Variants in SHLD1 observed in about 807,000 individuals in gnomAD.
SHLD1 encodes RINN1-REV7-interacting novel NHEJ regulator 3.
In SHLD1, 3 loss-of-function variants were observed where a neutral mutation model predicts 5.5. The observed-to-expected ratio is 0.54, with a 90% CI of 0.25 to 1.40. The LOEUF (loss-of-function observed/expected upper bound fraction) is 1.40. Ranked by LOEUF, SHLD1 falls within the 40% of genes most tolerant of loss-of-function variation. The pLI is 0.15. For missense variants in SHLD1, 210 were observed against 244.4 expected (o/e 0.86, Z 0.94); for synonymous variants, 92 against 94.3 (o/e 0.98, Z 0.14).
At chr20:5,795,137 G>A (rs1312175261) in intron 2 of SHLD1, among the ~76,000 whole-genome samples, 1 of 151,988 alleles carries the variant, frequency 6.6e-6, no homozygotes, top group Non-Finnish European at 1.5e-5. Flanking sequence ...TACTCGGGGG[G>A]CTGAGGCACA....
intron 2 of SHLD1, among the ~76,000 whole-genome samples, chr20:5,780,637 G>T (rs1229055430): frequency 2.0e-5 from 3 of 152,182 alleles, no homozygotes; most frequent in Non-Finnish European, 2.9e-5. Flanking sequence ...GGCTTAACTT[G>T]TGTAAAGGAT....
intron 2 of SHLD1, among the ~76,000 whole-genome samples, chr20:5,822,531 C>T (rs1388431206): frequency 1.3e-5 from 2 of 151,990 alleles, no homozygotes; most frequent in Non-Finnish European, 2.9e-5. Context: ...TTGTTGTGTG[C>T]ATGTGTGTGA....
At chr20:5,859,469 G>A (rs1319481899) in intron 2 of SHLD1, among the ~76,000 whole-genome samples, 1 of 152,136 alleles carries the variant, frequency 6.6e-6, no homozygotes, top group Non-Finnish European at 1.5e-5. Flanking sequence ...AGCTCTACAA[G>A]GTTGGAATAT....
At chr20:5,844,057 T>C (rs2087897855) in intron 2 of SHLD1, among the ~76,000 whole-genome samples, 1 of 152,220 alleles carries the variant, frequency 6.6e-6, no homozygotes, top group African/African-American at 2.4e-5. Flanking sequence ...TGTTCTCCAA[T>C]GTTATGTGCT....
At chr20:5,779,565 G>A (rs1016810166) in intron 2 of SHLD1, among the ~76,000 whole-genome samples, 36 of 152,098 alleles carry the variant, frequency 2.4e-4, no homozygotes, top group African/African-American at 4.8e-5. Context: ...TCTCTACTGG[G>A]CCACCATTCT....
intron 2 of SHLD1, among the ~76,000 whole-genome samples, chr20:5,779,252 G>C (rs947125757): frequency 6.6e-6 from 1 of 151,656 alleles, no homozygotes; most frequent in Non-Finnish European, 1.5e-5. Flanking sequence ...TAATCTTGCT[G>C]TTACCAAGCA....
intron 2 of SHLD1, among the ~76,000 whole-genome samples, chr20:5,779,708 C>G (rs200489886): frequency 6.6e-6 from 1 of 152,140 alleles, no homozygotes; most frequent in East Asian, 1.9e-4. Context: ...GTTGGAGGGT[C>G]ATTCAGGGTG....
chr20:5,778,108 CT>C lies in SHLD1; in HGVS notation c.178+5070del, dbSNP rs1307385684. 6.3e-5 allele frequency among the ~76,000 whole-genome samples: 8 copies of C among 127,864 alleles called. No individual in the cohort carries two copies. The East Asian group carries it at 1.8e-3, about 29-fold the overall frequency. 83.9% of individuals were successfully genotyped at this position (127,864 alleles called of 152,430 possible). On this transcript the variant is annotated intron_variant, in intron 2 of 2. Transcript: ENST00000303142. ...TTATGAGGCTGAGGCAGGAGGATCCCTTTTTCTTTTTTTTTTTTTTTTTTTT... is the reference window on the plus strand; with the variant it reads ...TTATGAGGCTGAGGCAGGAGGATCCCTTTTCTTTTTTTTTTTTTTTTTTTT...
intron 2 of SHLD1, among the ~76,000 whole-genome samples, chr20:5,823,111 G>A (rs1476182169): frequency 6.6e-6 from 1 of 150,590 alleles, no homozygotes; most frequent in Non-Finnish European, 1.5e-5. Flanking sequence ...TGACCAAGCA[G>A]CAGCGTTTTA....
chr20:5,812,720 A>G (rs2087476064), intron 2 of SHLD1, among the ~76,000 whole-genome samples: 1 of 152,138 alleles, frequency 6.6e-6, no homozygotes, highest in Non-Finnish European at 1.5e-5. Flanking sequence ...CCTGATGGCT[A>G]GCTTCTTTAC....
rs562609827 is a variant in SHLD1, at chr20:5,857,218, C to T, written c.179-5806C>T. Among the ~76,000 whole-genome samples, 13 of 152,282 alleles carry T rather than the reference C, an allele frequency of 8.5e-5. No homozygotes were observed. The South Asian group carries it at 1.9e-3, about 22-fold the overall frequency. The stretch of plus-strand genomic sequence containing the variant: ...CTCTAACTCCTGAGCTCAGGTGATC[C>T]ACCCGCCTTGGCCTCCCAAGGTGCT... On this transcript the variant is annotated intron_variant, in intron 2 of 2. Transcript: ENST00000303142.
At chr20:5,849,965 CAA>C (rs752647466) in intron 2 of SHLD1, among the ~76,000 whole-genome samples, 38 of 50,230 alleles carry the variant, frequency 7.6e-4, no homozygotes, top group Non-Finnish European at 8.8e-4. Context: ...GACTCCGTCT[CAA>C]AAAAAAAAAA....
chr20:5,797,824 G>C (rs1002463240), intron 2 of SHLD1, among the ~76,000 whole-genome samples: 39 of 152,084 alleles, frequency 2.6e-4, no homozygotes, highest in Non-Finnish European at 7.4e-5. Flanking sequence ...AGTGTCCCAG[G>C]CCTCTTTGTT....
intron 1 of SHLD1, among the ~76,000 whole-genome samples, chr20:5,766,003 A>T (rs751964283): frequency 2.0e-5 from 3 of 151,972 alleles, no homozygotes; most frequent in Non-Finnish European, 4.4e-5. Flanking sequence ...AAATATAGGT[A>T]TCATTTCAAT....
intron 2 of SHLD1, among the ~76,000 whole-genome samples, chr20:5,818,861 C>CTGTTT (rs368228128): frequency 1.3e-5 from 2 of 152,030 alleles, no homozygotes; most frequent in East Asian, 1.9e-4. Context: ...GTGTCCACTT[C>CTGTTT]TGTTTTGTTT....
chr20:5,775,922 G>GGTTTTTTTTTTTTTT (rs1391999872), intron 2 of SHLD1, among the ~76,000 whole-genome samples: 4 of 63,444 alleles, frequency 6.3e-5, no homozygotes, highest in Non-Finnish European at 1.2e-4. Context: ...GTCAGCTCAG[G>GGTTTTTTTTTTTTTT]ATTTTTTTTT....
At chr20:5,830,946 T>C (rs941606421) in intron 2 of SHLD1, among the ~76,000 whole-genome samples, 2 of 152,160 alleles carry the variant, frequency 1.3e-5, no homozygotes, top group African/African-American at 4.8e-5. Context: ...TTTATTTAAT[T>C]TTTTAGGGAC....
intron 2 of SHLD1, among the ~76,000 whole-genome samples, chr20:5,827,745 C>T (rs1205369977): frequency 1.3e-5 from 2 of 152,246 alleles, no homozygotes; most frequent in African/African-American, 4.8e-5. Context: ...TCCCCTTGCT[C>T]TCTGCAGATT....
intron 2 of SHLD1, among the ~76,000 whole-genome samples, chr20:5,857,929 C>G (rs2088110990): frequency 6.6e-6 from 1 of 152,120 alleles, no homozygotes; most frequent in Admixed American, 6.5e-5. Context: ...GAAACCCCGT[C>G]TCTACTGAAA....
Sources: gnomAD v4.1 joint callset for allele counts (sites outside exome capture counted in the v4.1 genomes callset) on GRCh38, gnomAD v4.1.1 for gene constraint, MANE v1.5 for transcripts, NCBI Gene and HGNC (gene_info 2026-07-23, HGNC 2026-07-21) for gene names.